IARS2: variants seen among roughly 807,000 people sequenced by gnomAD.
The protein encoded by IARS2 is isoleucine--tRNA ligase, mitochondrial.
Under a neutral mutation model 126.3 loss-of-function variants are expected in IARS2, and 56 were observed. The ratio of observed to expected loss-of-function variants is 0.44; its 90% CI spans 0.36 to 0.55. The LOEUF (loss-of-function observed/expected upper bound fraction) is 0.55. Among genes scored for constraint, IARS2 ranks in the 20% least tolerant of loss-of-function variants. IARS2 has a pLI of 0.00. For synonymous variants in IARS2, 407 were observed against 441.1 expected, an observed-to-expected ratio of 0.92 and a Z score of 0.97; for missense variants, 1,127 against 1,245.9, an observed-to-expected ratio of 0.90 and a Z score of 1.44.
intron 3 of IARS2, among the ~76,000 whole-genome samples, chr1:220,101,674 C>T (rs1306240128): frequency 6.7e-6 from 1 of 150,178 alleles, no homozygotes; most frequent in Admixed American, 6.7e-5. Flanking sequence ...GCATGCCAAC[C>T]TGGGCAACAG....
chr1:220,133,968 C>G (rs140139811), intron 14 of IARS2, among the ~76,000 whole-genome samples: 1 of 150,176 alleles, frequency 6.7e-6, no homozygotes, highest in Non-Finnish European at 1.5e-5. Context: ...GACCCAAGAT[C>G]TAATCTGAGA....
At chr1:220,124,967 A>G (rs1198979940) in intron 12 of IARS2, among the ~76,000 whole-genome samples, 1 of 152,222 alleles carries the variant, frequency 6.6e-6, no homozygotes, top group Non-Finnish European at 1.5e-5. Flanking sequence ...AGAAGAGGGA[A>G]GATAATTAGA....
intron 12 of IARS2, among the ~76,000 whole-genome samples, chr1:220,121,932 G>A (rs539497489): frequency 1.3e-5 from 2 of 152,006 alleles, no homozygotes; most frequent in Admixed American, 1.3e-4. Context: ...ATCTCTAGAG[G>A]GGGGGAAAGA....
At position 220,137,975 on chromosome 1, in the gene IARS2, T is replaced by G; in HGVS notation, c.2107T>G (p.Ser703Ala). The G allele has an allele frequency of 4.3e-6, 7 of 1,614,152 alleles. No individual in the cohort carries two copies. The highest frequency in any genetic ancestry group is 1.1e-5 in the South Asian group (1 of 91,088). Reference protein sequence around the residue: ...ADVLRWWVADSNVFTEVAIGP... With the variant: ...ADVLRWWVADANVFTEVAIGP... ...TGTCCTTCGCTGGTGGGTAGCTGAT[T>G]CCAATGTCTTCACCGAAGTTGCAAT... The change falls in exon 17 of 23, where the codon TCC (serine) becomes GCC (alanine). Residue 703 changes from serine to alanine, a missense_variant. Transcript: ENST00000366922.
intron 9 of IARS2, among the ~76,000 whole-genome samples, 166 bp from the exon 10 acceptor site, chr1:220,106,895 G>C (rs905362687): frequency 1.3e-5 from 2 of 152,130 alleles, no homozygotes; most frequent in South Asian, 2.1e-4. Flanking sequence ...ACCTCCCAAA[G>C]TGCTGGGATT....
chr1:220,125,455 T>C (rs1657132388), intron 13 of IARS2, 116 bp downstream of exon 13: 4 of 652,146 alleles, frequency 6.1e-6, no homozygotes, highest in South Asian at 3.9e-5. Context: ...ATTTATTTAC[T>C]GTAAATTAGA....
intron 1 of IARS2, 95 bp from the exon 2 acceptor site, chr1:220,096,009 G>C: frequency 2.9e-6 from 2 of 680,978 alleles, no homozygotes; most frequent in Non-Finnish European, 4.9e-6. Flanking sequence ...AATGTAATTG[G>C]AATGGAAATA....
In IARS2 at chr1:220,125,250, C is replaced by A; in HGVS notation, c.1654C>A (p.His552Asn). Residue 552 changes from histidine (H) to asparagine (N), a missense_variant, in exon 13 of 23, where the codon CAT becomes AAT. Transcript: ENST00000366922. ...CCCCTGAAATAGCCAAACCACTGAG[C>A]ATATTGTTAAACTAGTGGAACAACA... ...EYLINSQTTE[H>N]IVKLVEQHGS... 1 of 1,610,994 alleles carries A rather than the reference C, an allele frequency of 6.2e-7. No individual in the cohort carries two copies. Among genetic ancestry groups the A allele is most frequent in the Non-Finnish European group, 8.5e-7 (1 of 1,177,490 alleles).
At chr1:220,127,059 T>G (rs908735741) in intron 14 of IARS2, among the ~76,000 whole-genome samples, 5 of 152,226 alleles carry the variant, frequency 3.3e-5, no homozygotes, top group Non-Finnish European at 7.3e-5. Flanking sequence ...GAATTTATAA[T>G]ACAGAAAATA....
In IARS2 at chr1:220,138,026, A is replaced by G; in HGVS notation, c.2158A>G (p.Arg720Gly). The G allele has an allele frequency of 6.2e-7, 1 of 1,613,922 alleles. No individual in the cohort carries two copies. The highest frequency in any genetic ancestry group is 8.5e-7 in the Non-Finnish European group (1 of 1,179,784). The change falls in exon 17 of 23, where the codon AGA (arginine) becomes GGA (glycine). Residue 720 changes from arginine to glycine, a missense_variant. Physicochemically the swap from Arg to Gly is moderately radical, Grantham distance 125. Transcript: ENST00000366922. ...TGGCCCATCCGTGCTCAATGCTGCC[A>G]GAGATGATATTAGCAAGGTTAGAAC... is the stretch of plus-strand genomic sequence containing the variant. ...AIGPSVLNAARDDISKLRNTL... is the reference protein window; with the variant it reads ...AIGPSVLNAAGDDISKLRNTL...
At chr1:220,103,142 G>A (rs575412284) in intron 7 of IARS2, among the ~76,000 whole-genome samples, 1 of 151,872 alleles carries the variant, frequency 6.6e-6, no homozygotes, top group African/African-American at 2.4e-5. Flanking sequence ...CCGGGTTCAA[G>A]CAATTTTCCT....
At chr1:220,137,737 A>G in intron 16 of IARS2, 181 bp from the exon 17 acceptor site, 1 of 601,726 alleles carries the variant, frequency 1.7e-6, no homozygotes, top group Non-Finnish European at 2.9e-6. Flanking sequence ...TTCTTTTTCC[A>G]GTTTTGTTTT....
chr1:220,122,203 G>A (rs1295073819), intron 12 of IARS2, among the ~76,000 whole-genome samples: 3 of 151,942 alleles, frequency 2.0e-5, no homozygotes, highest in Non-Finnish European at 2.9e-5. Context: ...AAAAATTTTC[G>A]CCTAGTCTTC....
At position 220,108,856 on chromosome 1, in the gene IARS2, CTTTTTTTTTTTTT is replaced by C. The variant is rs35836043; in HGVS notation, c.1327+1719_1327+1731del. Among the ~76,000 whole-genome samples the C allele has an allele frequency of 1.3e-3, 87 of 68,248 alleles. 2 individuals carry two copies. Among genetic ancestry groups the C allele is most frequent in the South Asian group, 9.5e-3 (19 of 2,004 alleles). The allele number at this position is 68,248 out of a possible 152,430, so 44.8% of individuals were successfully genotyped here. ...TCTTAAATGTCTCTCTGTGAATCCT[CTTTTTTTTTTTTT>C]TTTTTTTTTTTTTATTGGAGGGACT... On this transcript the variant is annotated intron_variant, in intron 10 of 22. Transcript: ENST00000366922.
intron 20 of IARS2, 57 bp downstream of exon 20, chr1:220,142,005 T>C: frequency 6.6e-7 from 1 of 1,510,590 alleles, no homozygotes; most frequent in Non-Finnish European, 9.1e-7. Context: ...AAGGTGCAAC[T>C]TCTACTTCTA....
At chr1:220,143,172 A>G (rs1007002848) in intron 21 of IARS2, 38 bp downstream of exon 21, 15 of 1,469,586 alleles carry the variant, frequency 1.0e-5, no homozygotes, top group Non-Finnish European at 1.4e-5. Flanking sequence ...TGGTGTTAGT[A>G]TCATAGAGCT....
chr1:220,139,967 T>C (rs1203699125), intron 18 of IARS2, among the ~76,000 whole-genome samples: 1 of 152,198 alleles, frequency 6.6e-6, no homozygotes, highest in African/African-American at 2.4e-5. Context: ...TTAATGTCCT[T>C]TCGTAGTTCT....
intron 20 of IARS2, 26 bp from the exon 21 acceptor site, chr1:220,142,918 A>G (rs1236146189): frequency 6.5e-7 from 1 of 1,534,744 alleles, no homozygotes; most frequent in Non-Finnish European, 8.9e-7. Flanking sequence ...TTTGTAAAGC[A>G]GTTTACTATT....
In IARS2 at chr1:220,109,000, A is replaced by G. The variant is rs574419344; in HGVS notation, c.1328-1786A>G. Among the ~76,000 whole-genome samples the G allele has an allele frequency of 2.6e-5, 4 of 152,022 alleles. No individual in the cohort carries two copies. The East Asian group carries it at 5.8e-4, about 22-fold the overall frequency. On this transcript the variant is annotated intron_variant, in intron 10 of 22. Transcript: ENST00000366922. The stretch of plus-strand genomic sequence containing the variant: ...CCCCAAAGAGACTATATCAAAGGAC[A>G]GTACGTTTTAAGCCAGTATGCTGCA...
Sources: allele counts gnomAD v4.1 joint callset (sites outside exome capture counted in the v4.1 genomes callset), GRCh38; gene constraint gnomAD v4.1.1; transcripts MANE v1.5; gene names NCBI Gene and HGNC (gene_info 2026-07-23, HGNC 2026-07-21).